Variants in CCDC91 observed in about 807,000 individuals in gnomAD.
The protein encoded by CCDC91 is coiled-coil domain-containing protein 91.
Under a neutral mutation model 63.2 loss-of-function variants are expected in CCDC91, and 48 were observed. The observed-to-expected ratio is 0.76, with a 90% confidence interval of 0.60 to 0.97. CCDC91 has a LOEUF of 0.97. CCDC91 is among the 50% of genes least tolerant of loss of function. The pLI, the probability that CCDC91 is intolerant of heterozygous loss-of-function variation, is 0.00. For missense variants in CCDC91, 500 were observed against 494.6 expected (o/e 1.01, Z -0.10); for synonymous variants, 167 against 165.8 (o/e 1.01, Z -0.06).
At chr12:28,405,405 A>G (rs1202076635) in intron 8 of CCDC91, among the ~76,000 whole-genome samples, 1 of 152,164 alleles carries the variant, frequency 6.6e-6, no homozygotes, top group Non-Finnish European at 1.5e-5. Flanking sequence ...GTTATTTTAA[A>G]GAAACCATTA....
chr12:28,212,591 T>C (rs1184411945), intron 1 of CCDC91, among the ~76,000 whole-genome samples: 2 of 152,182 alleles, frequency 1.3e-5, no homozygotes, highest in Non-Finnish European at 2.9e-5. Context: ...GACTCAGATA[T>C]AGAAGTATGG....
At chr12:28,508,198 G>T (rs889206745) in intron 12 of CCDC91, among the ~76,000 whole-genome samples, 43 of 152,024 alleles carry the variant, frequency 2.8e-4, no homozygotes, top group African/African-American at 9.9e-4. Context: ...TCTTGTAACA[G>T]CTCCTCTATG....
intron 1 of CCDC91, among the ~76,000 whole-genome samples, chr12:28,248,351 A>T (rs149449257): frequency 2.0e-5 from 3 of 152,276 alleles, no homozygotes; most frequent in Non-Finnish European, 4.4e-5. Context: ...ACACATCTAA[A>T]TTAGAGATAG....
intron 6 of CCDC91, among the ~76,000 whole-genome samples, chr12:28,320,696 TATAAA>T (rs1940404167): frequency 6.6e-6 from 1 of 151,840 alleles, no homozygotes; most frequent in African/African-American, 2.4e-5. Context: ...ACAGTTAACA[TATAAA>T]ATAAAAGAGA....
At chr12:28,467,423 T>C (rs2140563812) in intron 11 of CCDC91, among the ~76,000 whole-genome samples, 1 of 152,174 alleles carries the variant, frequency 6.6e-6, no homozygotes, top group East Asian at 1.9e-4. Context: ...GTTTTAAGTA[T>C]ATATTCATGC....
chr12:28,295,815 T>A (rs778454142), intron 3 of CCDC91, among the ~76,000 whole-genome samples: 1 of 152,114 alleles, frequency 6.6e-6, no homozygotes, highest in East Asian at 1.9e-4. Context: ...TTTAAAATGA[T>A]GTGTTCGAAA....
At chr12:28,212,094 C>G (rs1428253302) in intron 1 of CCDC91, among the ~76,000 whole-genome samples, 1 of 152,136 alleles carries the variant, frequency 6.6e-6, no homozygotes, top group East Asian at 1.9e-4. Flanking sequence ...ACCGCAATCC[C>G]CAGCCACTGT....
intron 8 of CCDC91, among the ~76,000 whole-genome samples, chr12:28,401,580 G>A (rs565932602): frequency 2.0e-5 from 3 of 152,204 alleles, no homozygotes; most frequent in East Asian, 3.9e-4. Context: ...GAAGAGGGAA[G>A]CCTCTTATAA....
intron 6 of CCDC91, among the ~76,000 whole-genome samples, chr12:28,342,767 T>G (rs1462489510): frequency 6.6e-6 from 1 of 152,080 alleles, no homozygotes; most frequent in African/African-American, 2.4e-5. Flanking sequence ...ACTACATATG[T>G]GGGTTCAGGT....
intron 3 of CCDC91, among the ~76,000 whole-genome samples, chr12:28,288,406 A>G (rs1484206615): frequency 6.6e-6 from 1 of 152,162 alleles, no homozygotes; most frequent in African/African-American, 2.4e-5. Context: ...TTTTAACATG[A>G]AGGAATGTTG....
intron 8 of CCDC91, among the ~76,000 whole-genome samples, chr12:28,402,387 A>G (rs904804642): frequency 2.0e-5 from 3 of 152,148 alleles, no homozygotes; most frequent in Admixed American, 2.0e-4. Flanking sequence ...TTCAATTAGA[A>G]GGATGCTAAA....
intron 8 of CCDC91, among the ~76,000 whole-genome samples, chr12:28,434,163 C>G (rs1948774394): frequency 6.6e-6 from 1 of 151,610 alleles, no homozygotes; most frequent in Non-Finnish European, 1.5e-5. Context: ...TTTCTTTCTT[C>G]CCAAGTTGGA....
intron 1 of CCDC91, among the ~76,000 whole-genome samples, chr12:28,193,370 A>G (rs1162903451): frequency 3.3e-5 from 5 of 152,188 alleles, no homozygotes; most frequent in African/African-American, 1.2e-4. Context: ...TGGGAGGCCG[A>G]GGTGGGCAGC....
At chr12:28,523,464 G>A (rs989617822) in intron 12 of CCDC91, among the ~76,000 whole-genome samples, 3 of 151,992 alleles carry the variant, frequency 2.0e-5, no homozygotes, top group Non-Finnish European at 2.9e-5. Context: ...GAGCCTATGT[G>A]TGTCTCTGCA....
chr12:28,250,969 TG>T lies in CCDC91; in HGVS notation c.-14-6232del, dbSNP rs1592107775. Among the ~76,000 whole-genome samples the T allele has an allele frequency of 1.4e-4, 22 of 151,756 alleles. No homozygotes were observed. In the East Asian group the frequency reaches 4.3e-3, roughly 30 times the overall value. On this transcript the variant is annotated intron_variant, in intron 1 of 12. Transcript: ENST00000536442. ...TAAGGTTTGAGTGTGTGTGTGTGTGTGTGTGTGTGTGTGTGTGTGTATTTCC... is the reference window on the plus strand; with the variant it reads ...TAAGGTTTGAGTGTGTGTGTGTGTGTTGTGTGTGTGTGTGTGTGTATTTCC...
intron 6 of CCDC91, among the ~76,000 whole-genome samples, chr12:28,349,507 C>T (rs1034223551): frequency 6.6e-5 from 10 of 152,136 alleles, no homozygotes; most frequent in African/African-American, 9.7e-5. Context: ...ATAAGGGCCT[C>T]ATGCTTGGTT....
At chr12:28,322,162 C>T (rs1279211467) in intron 6 of CCDC91, among the ~76,000 whole-genome samples, 1 of 151,746 alleles carries the variant, frequency 6.6e-6, no homozygotes, top group Non-Finnish European at 1.5e-5. Context: ...TATAATTATG[C>T]AAGATAGATG....
At chr12:28,295,580 C>G (rs1184250148) in intron 3 of CCDC91, among the ~76,000 whole-genome samples, 1 of 151,828 alleles carries the variant, frequency 6.6e-6, no homozygotes, top group Non-Finnish European at 1.5e-5. Context: ...GTAAAGTTTT[C>G]TAATGTAAAG....
intron 3 of CCDC91, among the ~76,000 whole-genome samples, chr12:28,262,078 G>T (rs1946855231): frequency 6.6e-6 from 1 of 151,962 alleles, no homozygotes; most frequent in Non-Finnish European, 1.5e-5. Flanking sequence ...GCTGGAAGTT[G>T]TTTAGGTGAG....
Sources: gnomAD v4.1 joint callset for allele counts (sites outside exome capture counted in the v4.1 genomes callset) on GRCh38, gnomAD v4.1.1 for gene constraint, MANE v1.5 for transcripts, NCBI Gene and HGNC (gene_info 2026-07-23, HGNC 2026-07-21) for gene names.